The following TOP2B variants were observed in gnomAD, a reference collection of about 807,000 sequenced individuals.
TOP2B encodes DNA topoisomerase II beta, also known as DNA topoisomerase 2-beta.
Under a neutral mutation model 193.5 loss-of-function variants are expected in TOP2B, and 51 were observed. That is an observed-to-expected ratio of 0.26 (90% CI 0.21 to 0.33). The LOEUF (loss-of-function observed/expected upper bound fraction) is 0.33. TOP2B is among the 10% of genes least tolerant of loss of function. The probability of loss-of-function intolerance (pLI) is 1.00; values close to 1 mark genes in which losing one functional copy is unlikely to be tolerated. For missense variants in TOP2B, 1,378 were observed against 1,909.3 expected, an observed-to-expected ratio of 0.72 and a Z score of 5.19; for synonymous variants, 634 against 635.7, an observed-to-expected ratio of 1.00 and a Z score of 0.04.
chr3:25,607,305 G>GTCATCA lies in TOP2B; in HGVS notation c.4158_4163dup (p.Asp1387_Asp1388dup). On this transcript the variant is annotated inframe_insertion, in exon 31 of 36. Coordinates refer to ENST00000264331, the MANE Select transcript of TOP2B (RefSeq NM_001330700.2). Reference sequence around the variant, plus strand: ...CTTTCAATTCCTCTAAATCATTATTGTCATCATCATCATCATCAGCATCAT... The same window carrying GTCATCA: ...CTTTCAATTCCTCTAAATCATTATTGTCATCATCATCATCATCATCATCAGCATCAT... 6.4e-7 allele frequency: 1 copy of GTCATCA among 1,555,552 alleles called. No homozygotes were observed.
chr3:25,639,927 G>A lies in TOP2B; in HGVS notation c.396-1617C>T, dbSNP rs143749927. ...AAAATTTAACCTCTCCTCCACACAAGAAGTTTATGTGCACAAATGTACAAA... is the reference window on the plus strand; with the variant it reads ...AAAATTTAACCTCTCCTCCACACAAAAAGTTTATGTGCACAAATGTACAAA... On this transcript the variant is annotated intron_variant, in intron 4 of 35. Coordinates refer to ENST00000264331, the MANE Select transcript of TOP2B (RefSeq NM_001330700.2). Among the ~76,000 whole-genome samples, 520 of 152,206 alleles carry A rather than the reference G, an allele frequency of 3.4e-3. 3 individuals carry two copies. The highest frequency in any genetic ancestry group is 0.012 in the African/African-American group (495 of 41,530).
intron 21 of TOP2B, among the ~76,000 whole-genome samples, chr3:25,622,123 C>A (rs1489244587): frequency 6.6e-6 from 1 of 152,170 alleles, no homozygotes; most frequent in East Asian, 1.9e-4. Context: ...GTCTTGACAA[C>A]TGTTTAACTT....
chr3:25,626,079 A>G (rs774445580), intron 18 of TOP2B, among the ~76,000 whole-genome samples: 1 of 152,194 alleles, frequency 6.6e-6, no homozygotes, highest in Non-Finnish European at 1.5e-5. Flanking sequence ...AAAGTTCTAG[A>G]TAGAAGATCA....
At position 25,664,780 on chromosome 3, in the gene TOP2B, A is replaced by T; in HGVS notation, c.-483T>A. On this transcript the variant is annotated 5_prime_UTR_variant, in exon 1 of 36. Coordinates refer to ENST00000264331, the MANE Select transcript of TOP2B (RefSeq NM_001330700.2). ...TCGTCCCGGTCGCCGCCGCTGCTTCAAAGGCAGCCTTAGCCTCGCTGCAGC... is the reference window on the plus strand; with the variant it reads ...TCGTCCCGGTCGCCGCCGCTGCTTCTAAGGCAGCCTTAGCCTCGCTGCAGC... 1.0e-6 allele frequency: 1 copy of T among 986,364 alleles called. No homozygotes were observed. The highest frequency in any genetic ancestry group is 1.2e-6 in the Non-Finnish European group (1 of 828,850). The allele number at this position is 986,364 out of a possible 1,614,324, so 61.1% of individuals were successfully genotyped here.
chr3:25,627,860 G>A (rs1367972883), intron 15 of TOP2B, among the ~76,000 whole-genome samples: 3 of 149,906 alleles, frequency 2.0e-5, no homozygotes, highest in Admixed American at 6.7e-5. Flanking sequence ...ACTTAAGGCC[G>A]GGACTTCTAG....
At chr3:25,600,836 G>C (rs996570091) in intron 34 of TOP2B, among the ~76,000 whole-genome samples, 3 of 152,114 alleles carry the variant, frequency 2.0e-5, no homozygotes, top group African/African-American at 4.8e-5. Flanking sequence ...TGGCTGCAGG[G>C]GAGAATTTGG....
rs150966325 is a variant in TOP2B, at chr3:25,615,100, T to G, written c.3591+105A>C. 55 of 933,788 alleles carry G rather than the reference T, an allele frequency of 5.9e-5. No individual in the cohort carries two copies. In the East Asian group the frequency reaches 1.4e-3, roughly 25 times the overall value. 57.8% of individuals were successfully genotyped at this position (933,788 alleles called of 1,614,324 possible). On this transcript the variant is annotated intron_variant, in intron 27 of 35. Transcript: ENST00000264331. Reference sequence around the variant, plus strand: ...AGCCTAACTCAACTTATAAACATATTAACCTTCACAGAGTTAAAGAAAACT... The same window carrying G: ...AGCCTAACTCAACTTATAAACATATGAACCTTCACAGAGTTAAAGAAAACT...
intron 8 of TOP2B, 89 bp downstream of exon 8, chr3:25,633,752 G>T: frequency 8.5e-7 from 1 of 1,181,946 alleles, no homozygotes; most frequent in East Asian, 2.7e-5. Flanking sequence ...TGGGTTTTTT[G>T]GGGGTTGTGG....
rs559312785 is a variant in TOP2B, at chr3:25,627,105, C to A, written c.2016+82G>T. 5.6e-4 allele frequency: 554 copies of A among 989,486 alleles called. 2 individuals are homozygous for A. The Middle Eastern group carries it at 0.011, about 19-fold the overall frequency. 61.3% of individuals were successfully genotyped at this position (989,486 alleles called of 1,614,324 possible). A position where few individuals can be genotyped will look rare whatever the true frequency, so the allele number is the denominator to read the frequency against. On this transcript the variant is annotated intron_variant, in intron 16 of 35. Transcript: ENST00000264331. ...GCTTGAGCATTCAAAAGAGACTTAT[C>A]ATAGGGAACCAGGACTGGGAGGAAA...
At chr3:25,663,726 T>C (rs1054021423) in intron 1 of TOP2B, among the ~76,000 whole-genome samples, 7 of 152,164 alleles carry the variant, frequency 4.6e-5, no homozygotes, top group African/African-American at 1.7e-4. Context: ...CTTTCCAAAT[T>C]GAAGTGCAAG....
chr3:25,599,362 TA>T, intron 35 of TOP2B, 72 bp downstream of exon 35: 1 of 1,431,874 alleles, frequency 7.0e-7, no homozygotes, highest in Non-Finnish European at 9.6e-7. Context: ...ACTATAGTCA[TA>T]AGCAAACTAA....
chr3:25,642,070 G>C (rs1330489366), intron 4 of TOP2B, among the ~76,000 whole-genome samples: 4 of 152,084 alleles, frequency 2.6e-5, no homozygotes, highest in African/African-American at 9.7e-5. Context: ...AGAAAAGATA[G>C]GGTGATTACC....
intron 23 of TOP2B, among the ~76,000 whole-genome samples, 161 bp downstream of exon 23, chr3:25,619,701 A>G (rs2125364047): frequency 6.6e-6 from 1 of 151,504 alleles, no homozygotes; most frequent in Middle Eastern, 3.4e-3. Context: ...GAAGAAAGAA[A>G]TGTGCCCCTA....
intron 18 of TOP2B, among the ~76,000 whole-genome samples, chr3:25,625,816 T>C (rs1243293721): frequency 6.6e-6 from 1 of 152,182 alleles, no homozygotes; most frequent in East Asian, 1.9e-4. Flanking sequence ...TGATAAAATA[T>C]GGCAACTTCT....
Position 25,603,739 on chromosome 3 carries a change from C to G in TOP2B, c.4489+1021G>C, listed in dbSNP as rs955597263. 3.9e-5 allele frequency among the ~76,000 whole-genome samples: 6 copies of G among 152,326 alleles called. No homozygotes were observed. The East Asian group carries it at 1.2e-3, about 29-fold the overall frequency. On this transcript the variant is annotated intron_variant, in intron 33 of 35. Transcript: ENST00000264331. Reference sequence around the variant, plus strand: ...GTAAGTTACCAAGCCAATCATCACTCTAGGAGCTTAATTCCATAAGAAATT... The same window carrying G: ...GTAAGTTACCAAGCCAATCATCACTGTAGGAGCTTAATTCCATAAGAAATT...
chr3:25,646,857 C>T (rs1180168492), intron 1 of TOP2B, among the ~76,000 whole-genome samples: 6 of 151,968 alleles, frequency 3.9e-5, no homozygotes, highest in Non-Finnish European at 7.4e-5. Context: ...GAAACTCAAA[C>T]GTTAATTATA....
chr3:25,602,498 TAA>T (rs112030237), intron 33 of TOP2B, among the ~76,000 whole-genome samples: 229 of 140,590 alleles, frequency 1.6e-3, no homozygotes, highest in South Asian at 3.6e-3. Context: ...AGACTTTGTT[TAA>T]AAAAAAAAAA....
intron 15 of TOP2B, 128 bp from the exon 16 acceptor site, chr3:25,627,424 C>CTTTTTTTTTTTTTTTTTTTTT: frequency 2.0e-6 from 1 of 506,978 alleles, no homozygotes; most frequent in Non-Finnish European, 3.5e-6. Context: ...AGTGATCAAT[C>CTTTTTTTTTTTTTTTTTTTTT]TTAATAAGCA....
At chr3:25,616,414 A>AG (rs576213526) in intron 25 of TOP2B, among the ~76,000 whole-genome samples, 2 of 65,880 alleles carry the variant, frequency 3.0e-5, no homozygotes. Flanking sequence ...CCAAAAGAGG[A>AG]AAAAAAAAAA....
Sources: allele counts gnomAD v4.1 joint callset (sites outside exome capture counted in the v4.1 genomes callset), GRCh38; gene constraint gnomAD v4.1.1; transcripts MANE v1.5; gene names NCBI Gene and HGNC (gene_info 2026-07-23, HGNC 2026-07-21).